The following TRIM36 variants were observed in gnomAD, a reference collection of about 807,000 sequenced individuals.
TRIM36 encodes E3 ubiquitin-protein ligase TRIM36.
TRIM36 carries 42 observed loss-of-function variants against 72.4 expected under a neutral mutation model. The ratio of observed to expected loss-of-function variants is 0.58; its 90% CI spans 0.45 to 0.75. TRIM36 has a LOEUF of 0.75. TRIM36 is among the 30% of genes least tolerant of loss of function. The pLI is 0.00. For missense variants in TRIM36, 913 were observed against 857.1 expected, an observed-to-expected ratio of 1.07 and a Z score of -0.81; for synonymous variants, 315 against 282.8, an observed-to-expected ratio of 1.11 and a Z score of -1.14.
chr5:115,164,730 T>C (rs187838461), intron 1 of TRIM36, among the ~76,000 whole-genome samples: 75 of 152,310 alleles, frequency 4.9e-4, no homozygotes, highest in Non-Finnish European at 8.5e-4. Context: ...TCTCATGTCC[T>C]CACATTTCAA....
At chr5:115,174,964 G>C (rs1755269084) in intron 1 of TRIM36, among the ~76,000 whole-genome samples, 2 of 152,118 alleles carry the variant, frequency 1.3e-5, no homozygotes, top group Admixed American at 1.3e-4. Context: ...TGGCCAACTT[G>C]AGGTAAACAA....
intron 1 of TRIM36, among the ~76,000 whole-genome samples, chr5:115,179,491 C>T (rs1755509750): frequency 6.6e-6 from 1 of 152,246 alleles, no homozygotes; most frequent in African/African-American, 2.4e-5. Flanking sequence ...TCCCTATTTA[C>T]CGGCCACACG....
chr5:115,156,696 C>A (rs1561439671), intron 2 of TRIM36, among the ~76,000 whole-genome samples: 1 of 152,130 alleles, frequency 6.6e-6, no homozygotes, highest in Non-Finnish European at 1.5e-5. Context: ...AAACCTAAGA[C>A]CTGAAACTAT....
chr5:115,134,503 ATTTTAAAATCTAAGTCT>A (rs1752861082), intron 7 of TRIM36, among the ~76,000 whole-genome samples: 1 of 151,738 alleles, frequency 6.6e-6, no homozygotes, highest in Admixed American at 6.6e-5. Context: ...TTATTTTAAT[ATTTTAAAATCTAAGTCT>A]GGTAAGAATA....
intron 3 of TRIM36, among the ~76,000 whole-genome samples, chr5:115,145,871 T>C (rs1753564767): frequency 6.6e-6 from 1 of 152,236 alleles, no homozygotes; most frequent in Non-Finnish European, 1.5e-5. Flanking sequence ...AGTTTGTCCA[T>C]CTGCAAGAAA....
intron 1 of TRIM36, among the ~76,000 whole-genome samples, chr5:115,169,237 C>G (rs1350899970): frequency 6.6e-6 from 1 of 152,244 alleles, no homozygotes; most frequent in Non-Finnish European, 1.5e-5. Flanking sequence ...GGCGGCCCCG[C>G]AAGCGCGAGG....
chr5:115,150,512 G>C (rs751459734), intron 2 of TRIM36, among the ~76,000 whole-genome samples: 10 of 152,132 alleles, frequency 6.6e-5, no homozygotes, highest in Non-Finnish European at 1.3e-4. Flanking sequence ...GAAAAACAGA[G>C]GGATCATCAC....
chr5:115,137,276 G>A, intron 6 of TRIM36, 87 bp downstream of exon 6: 2 of 1,512,944 alleles, frequency 1.3e-6, no homozygotes, highest in East Asian at 2.3e-5. Flanking sequence ...ACAGCATTAT[G>A]GACCAATCAG....
Position 115,169,883 on chromosome 5 carries a change from C to A in TRIM36, c.-249G>T. The A allele has an allele frequency of 6.1e-6, 8 of 1,304,742 alleles. No homozygotes were observed. The highest frequency in any genetic ancestry group is 7.8e-6 in the Non-Finnish European group (8 of 1,026,138). The allele number at this position is 1,304,742 out of a possible 1,614,324, so 80.8% of individuals were successfully genotyped here. A position where few individuals can be genotyped will look rare whatever the true frequency, so the allele number is the denominator to read the frequency against. ...CCCGGGAATCCCGCCCAGCTGCCGG[C>A]TGCAGCAGCGGCTCCTGCGGACTGC... On this transcript the variant is annotated 5_prime_UTR_variant, in exon 1 of 10. Transcript: ENST00000513154.
intron 1 of TRIM36, 29 bp downstream of exon 1, chr5:115,169,579 G>A: frequency 1.3e-6 from 2 of 1,505,056 alleles, no homozygotes; most frequent in Non-Finnish European, 1.8e-6. Context: ...CGCCCTCGAG[G>A]TGGGGGCGGC....
At position 115,150,688 on chromosome 5, in the gene TRIM36, C is replaced by T. The variant is rs117911378; in HGVS notation, c.263-3294G>A. Among the ~76,000 whole-genome samples, 69 of 152,254 alleles carry T rather than the reference C, an allele frequency of 4.5e-4. 1 individual carries two copies. The East Asian group carries it at 0.011, about 24-fold the overall frequency. On this transcript the variant is annotated intron_variant, in intron 2 of 9. Coordinates refer to ENST00000513154, the MANE Select transcript of TRIM36 (RefSeq NM_001300759.2). ...AAGGAAGCAGACTGCTCCTACAGGA[C>T]CTGGGAGACACGCTAAATACTGCGA...
chr5:115,137,250 T>G, intron 6 of TRIM36, 113 bp downstream of exon 6: 1 of 1,476,842 alleles, frequency 6.8e-7, no homozygotes, highest in Non-Finnish European at 9.0e-7. Flanking sequence ...TGAGGCAAGA[T>G]GTACCTCACA....
chr5:115,126,470 A>G lies in TRIM36; in HGVS notation c.*33T>C, dbSNP rs752272921. ...AACGCTAAGGCATTGCTTTGTTTAC[A>G]GTTTTTATCCTGAGTCACATCAGAT... On this transcript the variant is annotated 3_prime_UTR_variant, in exon 10 of 10. Coordinates refer to ENST00000513154, the MANE Select transcript of TRIM36 (RefSeq NM_001300759.2). 11 of 1,557,202 alleles carry G rather than the reference A, an allele frequency of 7.1e-6. No homozygotes were observed. The highest frequency in any genetic ancestry group is 2.7e-5 in the African/African-American group (2 of 73,714).
At chr5:115,126,920 T>C in intron 9 of TRIM36, 63 bp from the exon 10 acceptor site, 9 of 1,472,148 alleles carry the variant, frequency 6.1e-6, no homozygotes, top group South Asian at 2.7e-5. Context: ...CAAAACATTT[T>C]CACAGGATAA....
chr5:115,169,521 C>T lies in TRIM36; in HGVS notation c.27+87G>A, dbSNP rs189448314. 1,888 of 1,407,228 alleles carry T rather than the reference C, an allele frequency of 1.3e-3. 2 individuals are homozygous for T. The highest frequency in any genetic ancestry group is 4.1e-3 in the Middle Eastern group (21 of 5,178). 87.2% of individuals were successfully genotyped at this position (1,407,228 alleles called of 1,614,324 possible). ...CCTTTGCTCTCCCGGGAGGAGGCTC[C>T]CTCCGGGCTCCCGGCGGAGGAAAGA... On this transcript the variant is annotated intron_variant, in intron 1 of 9. Coordinates refer to ENST00000513154, the MANE Select transcript of TRIM36 (RefSeq NM_001300759.2).
upstream of TRIM36, among the ~76,000 whole-genome samples, chr5:115,174,894 G>A (rs1580717038): frequency 6.6e-6 from 1 of 152,244 alleles, no homozygotes; most frequent in East Asian, 1.9e-4. Context: ...TGCTCTCACG[G>A]ACATTTTTCC....
chr5:115,159,605 T>C, intron 2 of TRIM36: 1 of 451,708 alleles, frequency 2.2e-6, no homozygotes, highest in Non-Finnish European at 4.4e-6. Context: ...AACACTATAT[T>C]GCCTGCGGCC....
chr5:115,142,228 G>C (rs761770248), intron 4 of TRIM36, among the ~76,000 whole-genome samples: 7 of 152,206 alleles, frequency 4.6e-5, no homozygotes, highest in Non-Finnish European at 8.8e-5. Context: ...TGCTCAACAA[G>C]AGGGCACTAT....
chr5:115,176,986 TTAAA>T (rs1755368640), intron 1 of TRIM36: 1 of 152,246 alleles, frequency 6.6e-6, no homozygotes, highest in Non-Finnish European at 1.5e-5. Context: ...ACTGTGTACT[TTAAA>T]TATTAAAGTA....
Sources: gnomAD v4.1 joint callset for allele counts (sites outside exome capture counted in the v4.1 genomes callset) on GRCh38, gnomAD v4.1.1 for gene constraint, MANE v1.5 for transcripts, NCBI Gene and HGNC (gene_info 2026-07-23, HGNC 2026-07-21) for gene names.